The following OPCML variants were observed in gnomAD, a reference collection of about 807,000 sequenced individuals.
OPCML encodes opioid binding protein/cell adhesion molecule like, also known as opioid-binding protein/cell adhesion molecule.
OPCML carries 13 observed loss-of-function variants against 37.8 expected under a neutral mutation model. The observed-to-expected ratio is 0.34, with a 90% CI of 0.22 to 0.55. The LOEUF (loss-of-function observed/expected upper bound fraction) is 0.55. Ranked by LOEUF, OPCML falls within the 20% of genes least tolerant of loss-of-function variation. The probability of loss-of-function intolerance (pLI) is 0.91; values close to 1 mark genes in which losing one functional copy is unlikely to be tolerated. For synonymous variants in OPCML, 176 were observed against 168.8 expected, an observed-to-expected ratio of 1.04 and a Z score of -0.33; for missense variants, 341 against 435.6, an observed-to-expected ratio of 0.78 and a Z score of 1.93.
intron 2 of OPCML, among the ~76,000 whole-genome samples, chr11:132,694,226 A>C (rs1943519321): frequency 9.1e-6 from 1 of 109,780 alleles, no homozygotes; most frequent in African/African-American, 3.8e-5. Flanking sequence ...TTAAGACGGA[A>C]TCTTCCTCTA....
At chr11:132,949,299 T>C (rs988880462) in intron 1 of OPCML, among the ~76,000 whole-genome samples, 4 of 152,368 alleles carry the variant, frequency 2.6e-5, no homozygotes, top group African/African-American at 9.6e-5. Flanking sequence ...CCTATGTATA[T>C]GTGGACTGTG....
intron 7 of OPCML, 162 bp from the exon 8 acceptor site, chr11:132,420,455 T>A (rs1436722454): frequency 1.1e-6 from 1 of 939,294 alleles, no homozygotes; most frequent in African/African-American, 1.8e-5. Flanking sequence ...ATTTAGGAAC[T>A]CAAAGGGGCA....
intron 2 of OPCML, among the ~76,000 whole-genome samples, chr11:132,806,103 A>G (rs561983025): frequency 1.3e-5 from 2 of 152,300 alleles, no homozygotes; most frequent in South Asian, 4.1e-4. Flanking sequence ...ATTTTAATAA[A>G]AAGAGTTATA....
chr11:132,464,314 C>T (rs534934213), intron 4 of OPCML, among the ~76,000 whole-genome samples: 1 of 152,186 alleles, frequency 6.6e-6, no homozygotes, highest in African/African-American at 2.4e-5. Context: ...CCTAATCTTG[C>T]CTATGTTTTT....
chr11:133,196,561 G>T lies in OPCML; in HGVS notation c.62-253551C>A, dbSNP rs147577959. Among the ~76,000 whole-genome samples the T allele has an allele frequency of 1.6e-3, 251 of 152,284 alleles. 6 individuals are homozygous for T. The East Asian group carries it at 0.044, about 27-fold the overall frequency. ...GTGACCTAAGCACCAACTCTGAAATGTAAAAATACTTTGCCCCTTAATAGC... is the reference window on the plus strand; with the variant it reads ...GTGACCTAAGCACCAACTCTGAAATTTAAAAATACTTTGCCCCTTAATAGC... On this transcript the variant is annotated intron_variant, in intron 1 of 7. Coordinates refer to ENST00000524381, the MANE Select transcript of OPCML (RefSeq NM_001012393.5).
intron 1 of OPCML, among the ~76,000 whole-genome samples, chr11:133,010,589 G>C (rs1224173804): frequency 6.6e-6 from 1 of 152,172 alleles, no homozygotes; most frequent in South Asian, 2.1e-4. Context: ...ATGGAAGGAA[G>C]TCTTTAGTGA....
At chr11:132,992,220 G>A (rs919988100) in intron 1 of OPCML, among the ~76,000 whole-genome samples, 1 of 151,856 alleles carries the variant, frequency 6.6e-6, no homozygotes, top group African/African-American at 2.4e-5. Flanking sequence ...TGATATTTCA[G>A]GTGTTTAGGC....
chr11:133,064,922 A>T (rs1948415931), intron 1 of OPCML: 1 of 152,204 alleles, frequency 6.6e-6, no homozygotes, highest in South Asian at 2.1e-4. Flanking sequence ...ACAAGATATG[A>T]AGCATAGTAC....
intron 1 of OPCML, among the ~76,000 whole-genome samples, chr11:133,033,398 A>G (rs2136928478): frequency 6.6e-6 from 1 of 152,344 alleles, no homozygotes; most frequent in East Asian, 1.9e-4. Context: ...AGGACTATGC[A>G]TTCATGACGT....
intron 1 of OPCML, chr11:133,420,196 T>C: frequency 2.2e-6 from 2 of 921,698 alleles, no homozygotes; most frequent in Non-Finnish European, 2.6e-6. Context: ...CACAAGTACT[T>C]TTTTTTTTTC....
At chr11:132,586,095 G>A (rs35283427) in intron 3 of OPCML, among the ~76,000 whole-genome samples, 111,788 of 151,980 alleles carry the variant, frequency 0.74, 41,641 homozygotes, top group East Asian at 0.87. Flanking sequence ...GACCCACATG[G>A]GGATCATTTC....
rs536664136 is a variant in OPCML at position 133,380,370 on chromosome 11, CATTTAAA to C, written c.61+151887_61+151893del. On this transcript the variant is annotated intron_variant, in intron 1 of 7. Transcript: ENST00000524381. ...GGAAAATAATTTCTTCAATAATTCA[CATTTAAA>C]AAAATTTTCCTAACTGATCTTCACT... is the stretch of plus-strand genomic sequence containing the variant. 3.2e-3 allele frequency among the ~76,000 whole-genome samples: 493 copies of C among 152,310 alleles called. 1 individual carries two copies. Among genetic ancestry groups the C allele is most frequent in the Non-Finnish European group, 4.4e-3 (301 of 68,030 alleles).
At chr11:132,557,165 G>C (rs1003491024) in intron 3 of OPCML, among the ~76,000 whole-genome samples, 4 of 152,112 alleles carry the variant, frequency 2.6e-5, no homozygotes, top group African/African-American at 9.7e-5. Flanking sequence ...TATTGCCTTT[G>C]CAACTGTTGT....
chr11:133,493,556 T>C (rs1309969205), intron 1 of OPCML, among the ~76,000 whole-genome samples: 8 of 152,150 alleles, frequency 5.3e-5, no homozygotes, highest in African/African-American at 1.7e-4. Flanking sequence ...TAATAACCAT[T>C]ATTCCACTGC....
At chr11:133,328,722 T>C (rs999953557) in intron 1 of OPCML, among the ~76,000 whole-genome samples, 4 of 152,092 alleles carry the variant, frequency 2.6e-5, no homozygotes, top group Admixed American at 2.6e-4. Context: ...CCACAGCCAA[T>C]ATCATACTGA....
chr11:133,422,233 C>T, intron 1 of OPCML: 5 of 984,662 alleles, frequency 5.1e-6, no homozygotes, highest in Non-Finnish European at 6.0e-6. Context: ...CCTGAGAGCC[C>T]CTGTACCAGG....
intron 1 of OPCML, chr11:133,006,403 T>C: frequency 1.0e-6 from 1 of 979,680 alleles, no homozygotes. Flanking sequence ...GAACCCCATC[T>C]TTAGCTGAAC....
intron 3 of OPCML, among the ~76,000 whole-genome samples, chr11:132,579,636 A>G (rs1411940561): frequency 1.3e-5 from 2 of 152,102 alleles, no homozygotes; most frequent in Non-Finnish European, 2.9e-5. Flanking sequence ...CCAGGACCTG[A>G]AGAATTCATT....
At chr11:132,616,256 T>C (rs1241121472) in intron 3 of OPCML, among the ~76,000 whole-genome samples, 4 of 152,224 alleles carry the variant, frequency 2.6e-5, no homozygotes, top group Non-Finnish European at 5.9e-5. Context: ...TGTTATACAG[T>C]TTACAAGATT....
Sources: allele counts gnomAD v4.1 joint callset (sites outside exome capture counted in the v4.1 genomes callset), GRCh38; gene constraint gnomAD v4.1.1; transcripts MANE v1.5; gene names NCBI Gene and HGNC (gene_info 2026-07-23, HGNC 2026-07-21).